The following VPS13B variants were observed in gnomAD, a reference collection of about 807,000 sequenced individuals.
The protein encoded by VPS13B is vacuolar protein sorting 13 homolog B.
In VPS13B, 285 loss-of-function variants were observed where a neutral mutation model predicts 426.4. The ratio of observed to expected loss-of-function variants is 0.67; its 90% CI spans 0.61 to 0.74. The LOEUF is 0.74. Ranked by LOEUF, VPS13B falls within the 30% of genes least tolerant of loss-of-function variation. VPS13B has a pLI of 0.00. For synonymous variants in VPS13B, 1,676 were observed against 1,676.4 expected (o/e 1.00, Z 0.01); for missense variants, 4,537 against 4,782.6 (o/e 0.95, Z 1.51).
chr8:99,274,262 C>T lies in VPS13B; in HGVS notation c.2580C>T (p.Tyr860=). Residue 860 remains tyrosine (Y), a synonymous_variant, in exon 18 of 62, where the codon TAC becomes TAT. Transcript: ENST00000357162. The stretch of plus-strand genomic sequence containing the variant: ...CAATCCAGAATGTTGAATTGAAGTA[C>T]TGCAGCACATCATTGGTCAAATGTG... ...EGSIQNVELK[Y]CSTSLVKCAS... 1 of 1,614,144 alleles carries T rather than the reference C, an allele frequency of 6.2e-7. No homozygotes were observed. The highest frequency in any genetic ancestry group is 8.5e-7 in the Non-Finnish European group (1 of 1,180,010).
At chr8:99,286,147 A>T (rs1368790002) in intron 19 of VPS13B, among the ~76,000 whole-genome samples, 1 of 152,140 alleles carries the variant, frequency 6.6e-6, no homozygotes, top group Non-Finnish European at 1.5e-5. Flanking sequence ...TGAAGTTGGG[A>T]GTTCTTAACA....
intron 29 of VPS13B, among the ~76,000 whole-genome samples, chr8:99,513,800 A>C (rs1412994175): frequency 6.6e-6 from 1 of 152,182 alleles, no homozygotes; most frequent in East Asian, 1.9e-4. Context: ...ATACAATATC[A>C]GTGTGTTGTT....
At chr8:99,302,379 A>T (rs1285751484) in intron 19 of VPS13B, among the ~76,000 whole-genome samples, 1 of 152,244 alleles carries the variant, frequency 6.6e-6, no homozygotes. Context: ...ACTGAACATC[A>T]GCTTGGCTTA....
At position 99,442,371 on chromosome 8, in the gene VPS13B, G is replaced by A. The variant is rs180788296; in HGVS notation, c.3211-30G>A. 3.9e-5 allele frequency: 62 copies of A among 1,594,840 alleles called. No individual in the cohort carries two copies. The Middle Eastern group carries it at 1.2e-3, about 30-fold the overall frequency. ...TTTGAAGGCATATTTAGTCTAATCC[G>A]AATATTTTAATTCTGCTTTTCTTTT... is the stretch of plus-strand genomic sequence containing the variant. On this transcript the variant is annotated intron_variant, in intron 22 of 61. Coordinates refer to ENST00000357162, the MANE Select transcript of VPS13B (RefSeq NM_152564.5).
intron 19 of VPS13B, among the ~76,000 whole-genome samples, chr8:99,319,794 C>T (rs897074702): frequency 2.0e-5 from 3 of 152,124 alleles, no homozygotes; most frequent in African/African-American, 7.2e-5. Flanking sequence ...ACAAGATAAT[C>T]GACCTTTTAC....
At chr8:99,084,322 C>T (rs901105551) in intron 3 of VPS13B, among the ~76,000 whole-genome samples, 14 of 152,118 alleles carry the variant, frequency 9.2e-5, no homozygotes, top group East Asian at 5.8e-4. Context: ...TATTTTATTG[C>T]GTCTATTTGA....
intron 22 of VPS13B, among the ~76,000 whole-genome samples, chr8:99,434,037 A>G (rs111784061): frequency 1.3e-5 from 2 of 152,082 alleles, no homozygotes; most frequent in Non-Finnish European, 2.9e-5. Context: ...AGAATTTCTG[A>G]CCTCAGGCGA....
At chr8:99,639,214 T>A (rs1038462283) in intron 33 of VPS13B, among the ~76,000 whole-genome samples, 27 of 152,210 alleles carry the variant, frequency 1.8e-4, no homozygotes, top group African/African-American at 6.5e-4. Context: ...AAAGCCTATA[T>A]GTTGTCTTAA....
At chr8:99,073,839 G>C (rs947871838) in intron 3 of VPS13B, among the ~76,000 whole-genome samples, 6 of 151,016 alleles carry the variant, frequency 4.0e-5, no homozygotes, top group African/African-American at 1.5e-4. Context: ...GGTGCGATCA[G>C]GGCCCACTGC....
chr8:99,288,531 A>G (rs563740670), intron 19 of VPS13B, among the ~76,000 whole-genome samples: 37 of 152,024 alleles, frequency 2.4e-4, no homozygotes, highest in Non-Finnish European at 4.6e-4. Context: ...CCTGAAAGTC[A>G]CAGAGTCTAT....
At chr8:99,750,261 T>TA (rs1491155827) in intron 39 of VPS13B, among the ~76,000 whole-genome samples, 1 of 151,422 alleles carries the variant, frequency 6.6e-6, no homozygotes, top group Non-Finnish European at 1.5e-5. Context: ...ATGTTACTTT[T>TA]ATATGTTTAT....
intron 21 of VPS13B, among the ~76,000 whole-genome samples, chr8:99,422,717 G>C (rs1816440452): frequency 6.6e-6 from 1 of 152,066 alleles, no homozygotes; most frequent in Admixed American, 6.6e-5. Context: ...AATACAATAA[G>C]TAATTCATTT....
intron 16 of VPS13B, among the ~76,000 whole-genome samples, chr8:99,184,940 A>G (rs1813139784): frequency 2.0e-5 from 3 of 152,246 alleles, no homozygotes. Flanking sequence ...CAGTGAGCTG[A>G]GATCGTGCCA....
At chr8:99,634,434 G>C (rs912739432) in intron 33 of VPS13B, among the ~76,000 whole-genome samples, 2 of 151,908 alleles carry the variant, frequency 1.3e-5, no homozygotes, top group African/African-American at 2.4e-5. Context: ...GCCTCATACT[G>C]TTACTTCAAA....
intron 17 of VPS13B, among the ~76,000 whole-genome samples, chr8:99,224,036 T>C (rs575739189): frequency 1.3e-5 from 2 of 152,176 alleles, no homozygotes; most frequent in African/African-American, 2.4e-5. Flanking sequence ...TCATGTGACA[T>C]CAGCAGTGAG....
chr8:99,191,796 A>G (rs1197436109), intron 16 of VPS13B, among the ~76,000 whole-genome samples: 1 of 152,156 alleles, frequency 6.6e-6, no homozygotes, highest in Non-Finnish European at 1.5e-5. Flanking sequence ...TCTTCTGCAT[A>G]TATGATTGCA....
At position 99,157,303 on chromosome 8, in the gene VPS13B, G is replaced by T. The variant is rs537472529; in HGVS notation, c.2208+560G>T. On this transcript the variant is annotated intron_variant, in intron 15 of 61. Transcript: ENST00000357162. Reference sequence around the variant, plus strand: ...TTTTTTTTTAACAAATTGAAGGTTTGTGGCAATCTTGCATTAAGCAAGGCT... The same window carrying T: ...TTTTTTTTTAACAAATTGAAGGTTTTTGGCAATCTTGCATTAAGCAAGGCT... 6.4e-3 allele frequency among the ~76,000 whole-genome samples: 960 copies of T among 151,030 alleles called. 8 individuals carry two copies. Among genetic ancestry groups the T allele is most frequent in the African/African-American group, 0.022 (901 of 41,140 alleles).
At chr8:99,764,018 GA>G (rs1811077813) in intron 39 of VPS13B, among the ~76,000 whole-genome samples, 4 of 152,324 alleles carry the variant, frequency 2.6e-5, no homozygotes, top group Non-Finnish European at 5.9e-5. Flanking sequence ...ATTTAGGAAA[GA>G]AAGGTTAGGG....
chr8:99,172,758 G>T (rs949126288), intron 16 of VPS13B, among the ~76,000 whole-genome samples: 2 of 152,056 alleles, frequency 1.3e-5, no homozygotes, highest in African/African-American at 4.8e-5. Context: ...TTGTAATTCT[G>T]ATCTTAAAAT....
Sources: allele counts gnomAD v4.1 joint callset (sites outside exome capture counted in the v4.1 genomes callset), GRCh38; gene constraint gnomAD v4.1.1; transcripts MANE v1.5; gene names NCBI Gene and HGNC (gene_info 2026-07-23, HGNC 2026-07-21).